Variants in FOCAD observed in about 807,000 individuals in gnomAD.
The protein encoded by FOCAD is focadhesin, also known as KIAA1797.
In FOCAD, 198 loss-of-function variants were observed where a neutral mutation model predicts 225.6. The observed-to-expected ratio is 0.88, with a 90% CI of 0.78 to 0.99. The LOEUF is 0.99. Among genes scored for constraint, FOCAD ranks in the 50% least tolerant of loss-of-function variants. FOCAD has a pLI of 0.00. For synonymous variants in FOCAD, 897 were observed against 755.0 expected, an observed-to-expected ratio of 1.19 and a Z score of -3.08; for missense variants, 2,713 against 2,123.6, an observed-to-expected ratio of 1.28 and a Z score of -5.46.
chr9:20,913,799 T>C (rs1833644765), intron 23 of FOCAD, among the ~76,000 whole-genome samples: 2 of 152,210 alleles, frequency 1.3e-5, no homozygotes, highest in East Asian at 3.8e-4. Context: ...TATTTGCTCT[T>C]ATCTTTTGCA....
chr9:20,928,525 G>C (rs990083365), intron 26 of FOCAD, among the ~76,000 whole-genome samples: 1 of 152,090 alleles, frequency 6.6e-6, no homozygotes, highest in Non-Finnish European at 1.5e-5. Context: ...TGATAAACGG[G>C]CTTTCTTTCC....
chr9:20,789,755 T>C, intron 11 of FOCAD, 147 bp downstream of exon 11: 1 of 985,094 alleles, frequency 1.0e-6, no homozygotes, highest in South Asian at 1.7e-5. Context: ...TATCCTTCCA[T>C]TTTTTTCTTC....
Position 20,780,512 on chromosome 9 carries a change from A to C in FOCAD, c.995-1215A>C, listed in dbSNP as rs571508136. Among the ~76,000 whole-genome samples, 6 of 152,360 alleles carry C rather than the reference A, an allele frequency of 3.9e-5. No individual in the cohort carries two copies. In the East Asian group the frequency reaches 1.2e-3, roughly 29 times the overall value. On this transcript the variant is annotated intron_variant, in intron 9 of 43. Coordinates refer to ENST00000338382, the MANE Select transcript of FOCAD (RefSeq NM_001375567.1). ...TTAGAGTGAATAAACTGTACTGAAC[A>C]CTGCTAAGCCAATATATCATGTTGG...
intron 4 of FOCAD, among the ~76,000 whole-genome samples, chr9:20,736,032 T>C (rs1827131066): frequency 6.6e-6 from 1 of 152,208 alleles, no homozygotes; most frequent in Non-Finnish European, 1.5e-5. Flanking sequence ...TCTGGTATTT[T>C]ACTCACTTTT....
chr9:20,953,073 A>G lies in FOCAD; in HGVS notation c.4132+8A>G. The G allele has an allele frequency of 6.2e-7, 1 of 1,608,126 alleles. No individual in the cohort carries two copies. Among genetic ancestry groups the G allele is most frequent in the Non-Finnish European group, 8.5e-7 (1 of 1,176,044 alleles). On this transcript the variant is annotated splice_region_variant and intron_variant, in intron 35 of 43. Coordinates refer to ENST00000338382, the MANE Select transcript of FOCAD (RefSeq NM_001375567.1). ...TTACAGGAGGAAAAAAAGGCAAGTG[A>G]GCACATTTCTTGAATTTTATCATTC...
chr9:20,849,392 T>TC (rs141909466), intron 15 of FOCAD, among the ~76,000 whole-genome samples: 1,569 of 152,000 alleles, frequency 0.01, 18 homozygotes, highest in Non-Finnish European at 0.017. Flanking sequence ...GTTTTTTTTT[T>TC]CTGTTTTTTA....
At chr9:20,968,231 C>G (rs560463565) in intron 35 of FOCAD, among the ~76,000 whole-genome samples, 1 of 151,998 alleles carries the variant, frequency 6.6e-6, no homozygotes, top group Non-Finnish European at 1.5e-5. Context: ...ATTATCTAAT[C>G]TGTTGGCATA....
chr9:20,775,566 G>A (rs1462447619), intron 8 of FOCAD, among the ~76,000 whole-genome samples: 1 of 152,146 alleles, frequency 6.6e-6, no homozygotes, highest in Non-Finnish European at 1.5e-5. Flanking sequence ...GGATTGTGTG[G>A]GTTGGGCCAC....
chr9:20,897,824 C>T lies in FOCAD; in HGVS notation c.2626-9326C>T, dbSNP rs984011709. 3.3e-5 allele frequency among the ~76,000 whole-genome samples: 5 copies of T among 151,734 alleles called. 1 individual carries two copies. The highest frequency in any genetic ancestry group is 1.2e-4 in the African/African-American group (5 of 41,368). On this transcript the variant is annotated intron_variant, in intron 21 of 43. Coordinates refer to ENST00000338382, the MANE Select transcript of FOCAD (RefSeq NM_001375567.1). ...AGTTTTATTTCATGTTCACTTATCC[C>T]TCCTCTGATGCCTTCCTTTCTTTAT...
At chr9:20,902,686 C>G (rs895940559) in intron 21 of FOCAD, among the ~76,000 whole-genome samples, 1 of 151,726 alleles carries the variant, frequency 6.6e-6, no homozygotes. Flanking sequence ...TCAGATAGGA[C>G]TAAACCAATA....
At chr9:20,850,332 A>G (rs952787244) in intron 15 of FOCAD, among the ~76,000 whole-genome samples, 34 of 151,722 alleles carry the variant, frequency 2.2e-4, no homozygotes, top group South Asian at 2.1e-4. Context: ...TTATAGATTT[A>G]GGAGGTACAA....
intron 21 of FOCAD, among the ~76,000 whole-genome samples, chr9:20,888,876 G>A (rs774920985): frequency 6.6e-6 from 1 of 152,160 alleles, no homozygotes; most frequent in Non-Finnish European, 1.5e-5. Context: ...TGAGGCCTCT[G>A]CAGCTATGTA....
intron 6 of FOCAD, among the ~76,000 whole-genome samples, chr9:20,759,444 A>C (rs1017117811): frequency 6.6e-6 from 1 of 152,216 alleles, no homozygotes; most frequent in African/African-American, 2.4e-5. Flanking sequence ...CAAACCTGAG[A>C]AAAACAAGCA....
intron 15 of FOCAD, among the ~76,000 whole-genome samples, chr9:20,839,759 A>G (rs752450430): frequency 9.9e-5 from 15 of 152,082 alleles, no homozygotes; most frequent in African/African-American, 1.4e-4. Context: ...AGGTTAATGG[A>G]GGTATCCATC....
chr9:20,777,554 A>G (rs1197840653), intron 8 of FOCAD, among the ~76,000 whole-genome samples: 1 of 151,788 alleles, frequency 6.6e-6, no homozygotes, highest in Non-Finnish European at 1.5e-5. Flanking sequence ...ATGGTTTTCC[A>G]TTTCTATGGT....
intron 10 of FOCAD, chr9:20,786,847 A>AT (rs1424744181): frequency 5.8e-6 from 1 of 172,088 alleles, no homozygotes; most frequent in Non-Finnish European, 1.3e-5. Flanking sequence ...TCTGTGGTTT[A>AT]TTTTTTATTG....
intron 11 of FOCAD, among the ~76,000 whole-genome samples, chr9:20,817,404 C>T (rs1228399444): frequency 6.6e-6 from 1 of 152,096 alleles, no homozygotes; most frequent in Admixed American, 6.6e-5. Context: ...TTGCCCTATC[C>T]TAGACAACCA....
At chr9:20,686,848 G>A (rs972710133) in intron 1 of FOCAD, among the ~76,000 whole-genome samples, 1 of 152,148 alleles carries the variant, frequency 6.6e-6, no homozygotes, top group Non-Finnish European at 1.5e-5. Context: ...GATTTGCTAA[G>A]CTGATAGGAC....
intron 21 of FOCAD, among the ~76,000 whole-genome samples, chr9:20,888,876 G>T (rs774920985): frequency 6.6e-6 from 1 of 152,160 alleles, no homozygotes. Flanking sequence ...TGAGGCCTCT[G>T]CAGCTATGTA....
Sources: allele counts gnomAD v4.1 joint callset (sites outside exome capture counted in the v4.1 genomes callset), GRCh38; gene constraint gnomAD v4.1.1; transcripts MANE v1.5; gene names NCBI Gene and HGNC (gene_info 2026-07-23, HGNC 2026-07-21).